Variants in IFT172 observed in about 807,000 individuals in gnomAD.
IFT172 encodes intraflagellar transport 172, also known as intraflagellar transport protein 172 homolog.
In IFT172, 164 loss-of-function variants were observed where a neutral mutation model predicts 248.9. The ratio of observed to expected loss-of-function variants is 0.66; its 90% CI spans 0.58 to 0.75. IFT172 has a LOEUF of 0.75. Ranked by LOEUF, IFT172 falls within the 30% of genes least tolerant of loss-of-function variation. The pLI is 0.00. For missense variants in IFT172, 1,950 were observed against 2,192.4 expected (o/e 0.89, Z 2.21); for synonymous variants, 729 against 791.6 (o/e 0.92, Z 1.33).
At chr2:27,462,556 T>G in intron 20 of IFT172, 145 bp downstream of exon 20, 1 of 644,114 alleles carries the variant, frequency 1.6e-6, no homozygotes, top group Admixed American at 2.5e-5. Context: ...AGGGTGAAAT[T>G]AACTATATAA....
chr2:27,462,609 A>G, intron 20 of IFT172, 92 bp downstream of exon 20: 1 of 1,109,726 alleles, frequency 9.0e-7, no homozygotes, highest in Non-Finnish European at 1.4e-6. Context: ...AGCCTAGTTC[A>G]CCAGCACGCT....
chr2:27,450,016 T>C lies in IFT172; in HGVS notation c.4032A>G (p.Gly1344=). 16 of 1,613,872 alleles carry C rather than the reference T, an allele frequency of 9.9e-6. No individual in the cohort carries two copies. The highest frequency in any genetic ancestry group is 1.4e-5 in the Non-Finnish European group (16 of 1,179,772). ...VVLAVGPQLI[G]IGKHSAAAEL... is the part of the protein sequence containing the mutation. ...TACTTACTGCACTGTGCTTTCCAAT[T>C]CCAATCAGCTGGGGTCCTACAGCCA... The change falls in exon 36 of 48, where the codon GGA becomes GGG. Residue 1344 remains glycine, a synonymous_variant. Transcript: ENST00000260570.
chr2:27,478,994 C>T (rs992845926), intron 10 of IFT172, among the ~76,000 whole-genome samples: 2 of 152,076 alleles, frequency 1.3e-5, no homozygotes, highest in Non-Finnish European at 2.9e-5. Context: ...ACACCTTATG[C>T]CTGGTGCTTA....
At chr2:27,447,453 G>A in intron 42 of IFT172, 62 bp downstream of exon 42, 2 of 1,587,324 alleles carry the variant, frequency 1.3e-6, no homozygotes, top group South Asian at 2.3e-5. Flanking sequence ...AATCAATTCA[G>A]CTTTATACAT....
At chr2:27,476,773 G>T in intron 13 of IFT172, 47 bp from the exon 14 acceptor site, 1 of 1,132,170 alleles carries the variant, frequency 8.8e-7, no homozygotes, top group Non-Finnish European at 1.3e-6. Flanking sequence ...GAGGTAGTTG[G>T]GATGTTTATT....
In IFT172 at chr2:27,480,073, T is replaced by C. The variant is rs772971741; in HGVS notation, c.862A>G (p.Thr288Ala). 1.2e-6 allele frequency: 2 copies of C among 1,613,732 alleles called. No homozygotes were observed. The highest frequency in any genetic ancestry group is 1.7e-6 in the Non-Finnish European group (2 of 1,179,864). Reference protein sequence around the residue: ...AKPKEITNLYTITALAWKRDG... With the variant: ...AKPKEITNLYAITALAWKRDG... The stretch of plus-strand genomic sequence containing the variant: ...CGCTTCCAGGCCAAGGCAGTGATGG[T>C]GTATAAATTGGTAATCTCCTTGGGC... Residue 288 changes from threonine to alanine, a missense_variant, in exon 9 of 48, where the codon ACC (threonine) becomes GCC (alanine). Physicochemically the swap from Thr to Ala is moderately conservative, Grantham distance 58. Around this residue, in one of 3 missense-constraint regions of IFT172, gnomAD observed 1,166 missense variants for 1,254.1 expected, o/e 0.93. Transcript: ENST00000260570.
At chr2:27,461,236 G>A in intron 22 of IFT172, 33 bp downstream of exon 22, 1 of 1,613,052 alleles carries the variant, frequency 6.2e-7, no homozygotes, top group Non-Finnish European at 8.5e-7. Flanking sequence ...CTGAGCTCTG[G>A]AGATAAGGGC....
At chr2:27,479,922 G>A (rs1668234563) in intron 9 of IFT172, 104 bp downstream of exon 9, 3 of 1,415,494 alleles carry the variant, frequency 2.1e-6, no homozygotes, top group Non-Finnish European at 2.8e-6. Flanking sequence ...CAAAAGGAAA[G>A]AGGAGATTCT....
intron 12 of IFT172, 47 bp downstream of exon 12, chr2:27,477,512 A>G: frequency 7.2e-7 from 1 of 1,393,852 alleles, no homozygotes; most frequent in Middle Eastern, 1.8e-4. Flanking sequence ...CACAGAAGCT[A>G]GAAGGAGGCT....
In IFT172 at chr2:27,478,082, C is replaced by CA; in HGVS notation, c.1079dup (p.Lys361GlufsTer25). 1 of 1,614,162 alleles carries CA rather than the reference C, an allele frequency of 6.2e-7. No individual in the cohort carries two copies. The highest frequency in any genetic ancestry group is 8.5e-7 in the Non-Finnish European group (1 of 1,180,028). On this transcript the variant is annotated frameshift_variant, in exon 11 of 48. Coordinates refer to ENST00000260570, the MANE Select transcript of IFT172 (RefSeq NM_015662.3). LOFTEE classifies it high-confidence loss of function. ...AGTAACGTTCCTTTCCTAGGATTTTCACCTCTTCCACCTCATAGCCATAGT... is the reference window on the plus strand; with the variant it reads ...AGTAACGTTCCTTTCCTAGGATTTTCAACCTCTTCCACCTCATAGCCATAGT...
chr2:27,453,022 C>T (rs1217409754), intron 35 of IFT172: 1 of 350,246 alleles, frequency 2.9e-6, no homozygotes, highest in Non-Finnish European at 5.6e-6. Flanking sequence ...CTTCCAGCTC[C>T]TGTCCAAGTC....
In IFT172 at chr2:27,456,524, C is replaced by A. The variant is rs754427502; in HGVS notation, c.3358G>T (p.Ala1120Ser). Residue 1120 changes from alanine to serine, a missense_variant, in exon 30 of 48, where the codon GCT (alanine) becomes TCT (serine). This residue lies in a region of IFT172 where 164 missense variants were observed against 239.3 expected (regional missense o/e 0.69). Transcript: ENST00000260570. ...LGLLEAAVDH[A>S]ADNCSFEFAF... ...TTGGGGCCTCACCAATTGTCTGCAG[C>A]GTGGTCAACAGCAGCTTCCAGGAGT... 6.2e-7 allele frequency: 1 copy of A among 1,613,458 alleles called. No individual in the cohort carries two copies. The highest frequency in any genetic ancestry group is 8.5e-7 in the Non-Finnish European group (1 of 1,179,782).
chr2:27,450,346 C>T (rs1422383417), intron 35 of IFT172, among the ~76,000 whole-genome samples: 1 of 152,200 alleles, frequency 6.6e-6, no homozygotes, highest in Non-Finnish European at 1.5e-5. Context: ...CCTGAGGTCA[C>T]TGCATTTGAA....
At chr2:27,456,048 C>T (rs979942571) in intron 30 of IFT172, among the ~76,000 whole-genome samples, 6 of 151,870 alleles carry the variant, frequency 4.0e-5, no homozygotes, top group African/African-American at 1.5e-4. Context: ...CCCATCCCTA[C>T]TAAAAATACA....
chr2:27,468,219 A>T (rs950801388), intron 16 of IFT172, among the ~76,000 whole-genome samples: 3 of 151,846 alleles, frequency 2.0e-5, no homozygotes, highest in Admixed American at 2.0e-4. Context: ...ACACCTAAGA[A>T]AAAGAGAAGA....
At chr2:27,453,076 A>C in intron 35 of IFT172, 4 of 423,202 alleles carry the variant, frequency 9.5e-6, no homozygotes, top group Non-Finnish European at 1.4e-5. Flanking sequence ...TCTAGCCCAC[A>C]GAGATCTCAC....
rs745697716 is a variant in IFT172 at position 27,449,726 on chromosome 2, G to A, written c.4125C>T (p.Asn1375=). 3.7e-6 allele frequency: 6 copies of A among 1,613,838 alleles called. No homozygotes were observed. The highest frequency in any genetic ancestry group is 1.3e-5 in the African/African-American group (1 of 74,922). The change falls in exon 37 of 48, where the codon AAC becomes AAT. Residue 1375 remains asparagine (N), a synonymous_variant. Transcript: ENST00000260570. ...IDAFIEGEEW[N]KAKRVAKELD... ...ACTCCTTAGCTACACGCTTCGCCTT[G>A]TTCCACTCCTCACCCTCGATGAAAG...
In IFT172 at chr2:27,447,591, T is replaced by A; in HGVS notation, c.4583A>T (p.His1528Leu). ...VKSSEANSPA[H>L]EEFKTMLLIA... is the part of the protein sequence containing the mutation. ...CAGCAGCATCGTCTTGAACTCCTCA[T>A]GGGCTGGAGAGTTTGCCTCACTGGA... The change falls in exon 42 of 48, where the codon CAT becomes CTT. Residue 1528 changes from histidine (H) to leucine (L), a missense_variant. Around this residue, in one of 3 missense-constraint regions of IFT172, gnomAD observed 620 missense variants for 699.0 expected, o/e 0.89. Transcript: ENST00000260570. 1 of 1,614,154 alleles carries A rather than the reference T, an allele frequency of 6.2e-7. No individual in the cohort carries two copies. The highest frequency in any genetic ancestry group is 8.5e-7 in the Non-Finnish European group (1 of 1,180,030).
Position 27,459,413 on chromosome 2 carries a change from C to G in IFT172, c.2752G>C (p.Val918Leu). The G allele has an allele frequency of 6.2e-7, 1 of 1,614,108 alleles. No homozygotes were observed. The highest frequency in any genetic ancestry group is 8.5e-7 in the Non-Finnish European group (1 of 1,180,030). ...TGCAGGGATGCATAGTGTTGGGCCA[C>G]GAGAGGATAGTATTTGGATGCAGTG... ...RNTASKYYPL[V>L]AQHYASLQEY... Residue 918 changes from valine (V) to leucine (L), a missense_variant, in exon 25 of 48, where the codon GTG (valine) becomes CTG (leucine). Val to Leu is a conservative substitution (Grantham distance 32, BLOSUM62 1). Transcript: ENST00000260570.
Sources: gnomAD v4.1 joint callset for allele counts (sites outside exome capture counted in the v4.1 genomes callset) on GRCh38, gnomAD v4.1.1 for gene constraint, gnomAD v4.1.1 regional missense constraint, MANE v1.5 for transcripts, NCBI Gene and HGNC (gene_info 2026-07-23, HGNC 2026-07-21) for gene names.